Variants in MKNK2 observed in about 807,000 individuals in gnomAD.
The protein encoded by MKNK2 is MAPK interacting serine/threonine kinase 2, also known as MAP kinase-interacting serine/threonine-protein kinase 2.
In MKNK2, 54 loss-of-function variants were observed where a neutral mutation model predicts 55.0. That is an observed-to-expected ratio of 0.98 (90% CI 0.79 to 1.23). The LOEUF is 1.23. Among genes scored for constraint, MKNK2 ranks in the 50% most tolerant of loss-of-function variants. MKNK2 has a pLI of 0.00. For synonymous variants in MKNK2, 323 were observed against 256.0 expected (o/e 1.26, Z -2.50); for missense variants, 685 against 632.1 (o/e 1.08, Z -0.90).
At chr19:2,042,360 G>A (rs1355819367) in intron 10 of MKNK2, 67 bp downstream of exon 10, 26 of 1,393,824 alleles carry the variant, frequency 1.9e-5, no homozygotes, top group Non-Finnish European at 2.6e-5. Flanking sequence ...GGATGGCCCA[G>A]GCTCCGCGAG....
Position 2,040,125 on chromosome 19 carries a change from G to C in MKNK2, c.1154+9C>G, listed in dbSNP as rs188032614. 2.1e-5 allele frequency: 34 copies of C among 1,588,772 alleles called. No homozygotes were observed. In the East Asian group the frequency reaches 6.8e-4, roughly 32 times the overall value. On this transcript the variant is annotated intron_variant, in intron 13 of 13. Transcript: ENST00000250896. ...ACTCAGGGGTCCCGAGCACCCCTGCGGGCCTTACCTCTGCAGGACCATGGG... is the reference window on the plus strand; with the variant it reads ...ACTCAGGGGTCCCGAGCACCCCTGCCGGCCTTACCTCTGCAGGACCATGGG...
Position 2,037,912 on chromosome 19 carries a change from G to A in MKNK2, c.*1701C>T, listed in dbSNP as rs1340299773. On this transcript the variant is annotated 3_prime_UTR_variant, in exon 14 of 14. Coordinates refer to ENST00000250896, the MANE Select transcript of MKNK2 (RefSeq NM_199054.3). ...GACCCGATGGCTATGGGCGCCTGCA[G>A]CGGGCGGGGGTCCATTTGCTTGTTC... 5 of 1,410,746 alleles carry A rather than the reference G, an allele frequency of 3.5e-6. No homozygotes were observed. The highest frequency in any genetic ancestry group is 1.6e-5 in the South Asian group (1 of 64,506). The allele number at this position is 1,410,746 out of a possible 1,614,324, so 87.4% of individuals were successfully genotyped here. A position where few individuals can be genotyped will look rare whatever the true frequency, so the allele number is the denominator to read the frequency against.
rs929615459 is a variant in MKNK2, at chr19:2,039,282, A to T, written c.*331T>A. 4 of 1,179,714 alleles carry T rather than the reference A, an allele frequency of 3.4e-6. No individual in the cohort carries two copies. Among genetic ancestry groups the T allele is most frequent in the Non-Finnish European group, 3.2e-6 (3 of 948,868 alleles). 73.1% of individuals were successfully genotyped at this position (1,179,714 alleles called of 1,614,324 possible). On this transcript the variant is annotated 3_prime_UTR_variant, in exon 14 of 14. Transcript: ENST00000250896. ...CACGTGGGCAGATGGCGGGCAGCAC[A>T]GGTGACCTGGGGGCACCTTCATAGT...
rs934290853 is a variant in MKNK2, at chr19:2,046,297, G to A, written c.242-14C>T. The stretch of plus-strand genomic sequence containing the variant: ...GCTGGTAGACGTCTGCCGGGCAGCG[G>A]GGCGGGCGTGAGAGGGACCCTGGCT... On this transcript the variant is annotated splice_polypyrimidine_tract_variant and intron_variant, in intron 4 of 13. Transcript: ENST00000250896. 2 of 1,603,224 alleles carry A rather than the reference G, an allele frequency of 1.2e-6. No homozygotes were observed. Among genetic ancestry groups the A allele is most frequent in the African/African-American group, 1.3e-5 (1 of 74,922 alleles).
At position 2,050,678 on chromosome 19, in the gene MKNK2, G is replaced by A. The variant is rs542942985; in HGVS notation, c.51+123C>T. The stretch of plus-strand genomic sequence containing the variant: ...CGCACGGCCGGCCCGGGCAGCCCCG[G>A]GTGTAGGGCGGGGGCCAGGCACGAG... On this transcript the variant is annotated intron_variant, in intron 2 of 13. Transcript: ENST00000250896. 3.3e-4 allele frequency: 299 copies of A among 897,220 alleles called. 1 individual carries two copies. Among genetic ancestry groups the A allele is most frequent in the South Asian group, 2.4e-3 (145 of 59,682 alleles). 55.6% of individuals were successfully genotyped at this position (897,220 alleles called of 1,614,324 possible).
At position 2,038,249 on chromosome 19, in the gene MKNK2, T is replaced by C. The variant is rs1379443247; in HGVS notation, c.*1364A>G. ...GAAGCAAAGTCCATCGATGTGTTGT[T>C]TTTTTTTAAGGAAAAACTAAAAAAC... On this transcript the variant is annotated 3_prime_UTR_variant, in exon 14 of 14. Transcript: ENST00000250896. 2 of 987,706 alleles carry C rather than the reference T, an allele frequency of 2.0e-6. No individual in the cohort carries two copies. Among genetic ancestry groups the C allele is most frequent in the African/African-American group, 3.5e-5 (2 of 57,080 alleles). The allele number at this position is 987,706 out of a possible 1,614,324, so 61.2% of individuals were successfully genotyped here.
At chr19:2,042,688 A>G in intron 8 of MKNK2, 26 bp from the exon 9 acceptor site, 3 of 1,557,352 alleles carry the variant, frequency 1.9e-6, no homozygotes, top group Non-Finnish European at 2.6e-6. Flanking sequence ...CAGAACCACG[A>G]CGGGGTGAGG....
chr19:2,046,734 G>C (rs1198789373), intron 2 of MKNK2, 43 bp from the exon 3 acceptor site: 2 of 1,438,660 alleles, frequency 1.4e-6, no homozygotes, highest in African/African-American at 2.9e-5. Context: ...CCCCATCCCT[G>C]CCCACGCAGC....
At chr19:2,043,709 C>T (rs2016941551) in intron 5 of MKNK2, 127 bp from the exon 6 acceptor site, 3 of 853,954 alleles carry the variant, frequency 3.5e-6, no homozygotes, top group South Asian at 2.9e-5. Flanking sequence ...GAAAGCAGGG[C>T]TCACGCCTGT....
Position 2,041,905 on chromosome 19 carries a change from G to A in MKNK2, c.880C>T (p.Pro294Ser). Residue 294 changes from proline to serine, a missense_variant, in exon 11 of 14, where the codon CCC becomes TCC. Physicochemically the swap from Pro to Ser is moderately conservative, Grantham distance 74 (BLOSUM62 -1). Coordinates refer to ENST00000250896, the MANE Select transcript of MKNK2 (RefSeq NM_199054.3). ...TCGCTGCCACAGCGGCCCACGAAGG[G>A]CGGGTAGCCGCTGAGTAGGATATAC... ...ILYILLSGYPPFVGRCGSDCG... is the reference protein window; with the variant it reads ...ILYILLSGYPSFVGRCGSDCG... 1.3e-6 allele frequency: 2 copies of A among 1,546,248 alleles called. No homozygotes were observed. The highest frequency in any genetic ancestry group is 1.7e-6 in the Non-Finnish European group (2 of 1,144,910).
At chr19:2,050,306 C>T (rs2017087007) in intron 2 of MKNK2, among the ~76,000 whole-genome samples, 1 of 152,198 alleles carries the variant, frequency 6.6e-6, no homozygotes, top group African/African-American at 2.4e-5. Context: ...TGCACCTGAC[C>T]AGCCCGGCCT....
intron 2 of MKNK2, 110 bp from the exon 3 acceptor site, chr19:2,046,801 A>C (rs547168274): frequency 3.6e-6 from 3 of 830,602 alleles, no homozygotes; most frequent in Non-Finnish European, 5.4e-6. Flanking sequence ...CCCTGCGCTG[A>C]GCATTACGGA....
At chr19:2,050,672 GC>G in intron 2 of MKNK2, 128 bp downstream of exon 2, 2 of 835,330 alleles carry the variant, frequency 2.4e-6, no homozygotes, top group Non-Finnish European at 3.6e-6. Flanking sequence ...GGCCCGGGCA[GC>G]CCCGGGTGTA....
Position 2,042,850 on chromosome 19 carries a change from G to C in MKNK2, c.514C>G (p.His172Asp), listed in dbSNP as rs763807583. ...AGCTCGTTGAAGTGCCGGCGCTTGT[G>C]GATGTGGCTCAGGATGGAGCCTGGG... Reference protein sequence around the residue: ...MRGGSILSHIHKRRHFNELEA... With the variant: ...MRGGSILSHIDKRRHFNELEA... Residue 172 changes from histidine to aspartate, a missense_variant, in exon 8 of 14, where the codon CAC becomes GAC. By Grantham distance (81) the His-to-Asp change is moderately conservative. Coordinates refer to ENST00000250896, the MANE Select transcript of MKNK2 (RefSeq NM_199054.3). 5 of 1,572,158 alleles carry C rather than the reference G, an allele frequency of 3.2e-6. No homozygotes were observed. Among genetic ancestry groups the C allele is most frequent in the Admixed American group, 1.9e-5 (1 of 53,148 alleles).
rs2016897104 is a variant in MKNK2, at chr19:2,042,038, C to T, written c.751-4G>A. On this transcript the variant is annotated splice_polypyrimidine_tract_variant and splice_region_variant and intron_variant, in intron 10 of 13. Transcript: ENST00000250896. ...CCATGTACTCCGCCGAGCCGCACTG[C>T]GGGCGGGGGAGGGGCGCGTCAGCCG... is the stretch of plus-strand genomic sequence containing the variant. 2.7e-6 allele frequency: 4 copies of T among 1,481,386 alleles called. No individual in the cohort carries two copies. The highest frequency in any genetic ancestry group is 2.0e-4 in the Middle Eastern group (1 of 4,996). 91.8% of individuals were successfully genotyped at this position (1,481,386 alleles called of 1,614,324 possible). A position where few individuals can be genotyped will look rare whatever the true frequency, so the allele number is the denominator to read the frequency against.
intron 2 of MKNK2, 76 bp downstream of exon 2, chr19:2,050,725 G>T: frequency 2.1e-6 from 3 of 1,396,220 alleles, no homozygotes; most frequent in Admixed American, 2.1e-5. Context: ...GATCTTAGGG[G>T]CGGGCCCCGC....
chr19:2,041,170 T>C lies in MKNK2; in HGVS notation c.980A>G (p.Tyr327Cys), dbSNP rs1233608240. The C allele has an allele frequency of 1.2e-6, 2 of 1,613,928 alleles. No individual in the cohort carries two copies. Among genetic ancestry groups the C allele is most frequent in the Non-Finnish European group, 1.7e-6 (2 of 1,179,898 alleles). Residue 327 changes from tyrosine to cysteine, a missense_variant, in exon 12 of 14, where the codon TAC becomes TGC. By Grantham distance (194) the Tyr-to-Cys change is radical. Transcript: ENST00000250896. Reference protein sequence around the residue: ...MLFESIQEGKYEFPDKDWAHI... With the variant: ...MLFESIQEGKCEFPDKDWAHI... ...GGCCCAGTCCTTGTCGGGGAACTCG[T>C]ACTTGCCCTCCTGGATGCTCTCAAA... is the stretch of plus-strand genomic sequence containing the variant.
intron 2 of MKNK2, among the ~76,000 whole-genome samples, chr19:2,049,262 C>T (rs1273824229): frequency 6.6e-6 from 1 of 152,230 alleles, no homozygotes; most frequent in African/African-American, 2.4e-5. Context: ...GGAAAGAAAC[C>T]CAAGGCACCC....
In MKNK2 at chr19:2,039,326, G is replaced by T; in HGVS notation, c.*287C>A. ...TCATAGTAGAGGTGAGCAGGGCGGG[G>T]GACCGGGGAGGGGACAAGCCCACCC... On this transcript the variant is annotated 3_prime_UTR_variant, in exon 14 of 14. Coordinates refer to ENST00000250896, the MANE Select transcript of MKNK2 (RefSeq NM_199054.3). 7.6e-7 allele frequency: 1 copy of T among 1,310,202 alleles called. No individual in the cohort carries two copies. Among genetic ancestry groups the T allele is most frequent in the Non-Finnish European group, 9.7e-7 (1 of 1,026,568 alleles). The allele number at this position is 1,310,202 out of a possible 1,614,324, so 81.2% of individuals were successfully genotyped here.
Sources: allele counts gnomAD v4.1 joint callset (sites outside exome capture counted in the v4.1 genomes callset), GRCh38; gene constraint gnomAD v4.1.1; transcripts MANE v1.5; gene names NCBI Gene and HGNC (gene_info 2026-07-23, HGNC 2026-07-21).